The following NLGN1 variants were observed in gnomAD, a reference collection of about 807,000 sequenced individuals.
The protein encoded by NLGN1 is neuroligin 1.
Under a neutral mutation model 65.5 loss-of-function variants are expected in NLGN1, and 12 were observed. The observed-to-expected ratio is 0.18, with a 90% CI of 0.12 to 0.30. The LOEUF is 0.30. Ranked by LOEUF, NLGN1 falls within the 10% of genes least tolerant of loss-of-function variation. The probability of loss-of-function intolerance (pLI) is 1.00; values close to 1 mark genes in which losing one functional copy is unlikely to be tolerated. For synonymous variants in NLGN1, 350 were observed against 359.5 expected (o/e 0.97, Z 0.30); for missense variants, 750 against 1,007.1 (o/e 0.74, Z 3.46).
intron 3 of NLGN1, among the ~76,000 whole-genome samples, chr3:173,797,541 T>C (rs1473413481): frequency 6.6e-6 from 1 of 152,046 alleles, no homozygotes; most frequent in African/African-American, 2.4e-5. Context: ...TGTATTTGCT[T>C]CTAATTCTTC....
rs1340381287 is a variant in NLGN1, at chr3:174,201,379, G to GA, written c.647-73934dup. On this transcript the variant is annotated intron_variant, in intron 4 of 6. Coordinates refer to ENST00000457714, the Ensembl canonical transcript of NLGN1. ...GGAAGGAAGGAAGGAAGGAAGGAAA[G>GA]AAGGAAGGAAGGAAGGAAAGGGAAA... Among the ~76,000 whole-genome samples the GA allele has an allele frequency of 1.3e-3, 126 of 95,238 alleles. 1 individual carries two copies. The highest frequency in any genetic ancestry group is 3.9e-3 in the Admixed American group (37 of 9,470). 62.5% of individuals were successfully genotyped at this position (95,238 alleles called of 152,430 possible). A position where few individuals can be genotyped will look rare whatever the true frequency, so the allele number is the denominator to read the frequency against.
intron 4 of NLGN1, among the ~76,000 whole-genome samples, chr3:174,075,709 T>C (rs536862540): frequency 2.0e-5 from 3 of 152,268 alleles, no homozygotes; most frequent in Admixed American, 6.5e-5. Flanking sequence ...CAGATACTTA[T>C]GTTTCATCAT....
chr3:174,137,289 A>G (rs1386836204), intron 4 of NLGN1, among the ~76,000 whole-genome samples: 1 of 152,126 alleles, frequency 6.6e-6, no homozygotes, highest in Non-Finnish European at 1.5e-5. Context: ...AGCAAGCAAA[A>G]TGTCTAAATA....
chr3:174,145,291 G>T (rs530598412), intron 4 of NLGN1, among the ~76,000 whole-genome samples: 34 of 152,126 alleles, frequency 2.2e-4, no homozygotes, highest in Non-Finnish European at 3.5e-4. Context: ...GAGGTGGGTG[G>T]ATCATGATGT....
chr3:174,120,788 A>C (rs28640573), intron 4 of NLGN1, among the ~76,000 whole-genome samples: 3,483 of 152,176 alleles, frequency 0.023, 151 homozygotes, highest in African/African-American at 0.078. Flanking sequence ...CCAAAAGGTA[A>C]AGTTTAAACC....
chr3:173,564,161 A>G (rs1171238938), intron 2 of NLGN1, among the ~76,000 whole-genome samples: 2 of 152,188 alleles, frequency 1.3e-5, no homozygotes, highest in African/African-American at 4.8e-5. Context: ...ACTGTTCCAT[A>G]TTCCTGAAAT....
In NLGN1 at chr3:173,727,802, T is replaced by C. The variant is rs776766405; in HGVS notation, c.494-79878T>C. On this transcript the variant is annotated intron_variant, in intron 3 of 6. Transcript: ENST00000457714. ...AATGAAGGCAGAATTATTCTCTGTATTTTTTGATGCTGCTAAGAAGGAATT... is the reference window on the plus strand; with the variant it reads ...AATGAAGGCAGAATTATTCTCTGTACTTTTTGATGCTGCTAAGAAGGAATT... Among the ~76,000 whole-genome samples, 77 of 152,270 alleles carry C rather than the reference T, an allele frequency of 5.1e-4. 2 individuals carry two copies. The highest frequency in any genetic ancestry group is 1.1e-3 in the Admixed American group (17 of 15,272).
At chr3:174,201,726 T>C (rs1363185018) in intron 4 of NLGN1, among the ~76,000 whole-genome samples, 1 of 152,176 alleles carries the variant, frequency 6.6e-6, no homozygotes, top group Non-Finnish European at 1.5e-5. Flanking sequence ...CCCAGCAGCA[T>C]TGCCATCTGC....
rs182953934 is a variant in NLGN1 at position 173,750,237 on chromosome 3, C to G, written c.494-57443C>G. Among the ~76,000 whole-genome samples, 13 of 152,150 alleles carry G rather than the reference C, an allele frequency of 8.5e-5. No individual in the cohort carries two copies. The East Asian group carries it at 2.5e-3, about 29-fold the overall frequency. ...AGCCCTGCTCATTATTTTGGACTTT[C>G]TACTGAAGCCTTTTTCATGTTGTCC... On this transcript the variant is annotated intron_variant, in intron 3 of 6. Transcript: ENST00000457714.
At chr3:173,997,323 C>G (rs1722466063) in intron 4 of NLGN1, among the ~76,000 whole-genome samples, 1 of 152,064 alleles carries the variant, frequency 6.6e-6, no homozygotes, top group African/African-American at 2.4e-5. Context: ...ATTTATCAAA[C>G]AGAGGAGGCA....
intron 4 of NLGN1, among the ~76,000 whole-genome samples, chr3:174,225,440 A>C (rs1739445055): frequency 6.6e-6 from 1 of 152,182 alleles, no homozygotes; most frequent in Non-Finnish European, 1.5e-5. Context: ...CTGTAATATT[A>C]GATTATTCTG....
At chr3:174,076,724 A>T (rs13068541) in intron 4 of NLGN1, among the ~76,000 whole-genome samples, 7,834 of 80,792 alleles carry the variant, frequency 0.097, 375 homozygotes, top group African/African-American at 0.16. Flanking sequence ...AGAGAGAGAG[A>T]GTGTGTGTGT....
intron 2 of NLGN1, among the ~76,000 whole-genome samples, chr3:173,478,287 C>A (rs944858726): frequency 6.6e-6 from 1 of 152,052 alleles, no homozygotes; most frequent in African/African-American, 2.4e-5. Flanking sequence ...TTATCCTCAG[C>A]AAACTAATGC....
At chr3:173,782,396 A>G (rs1279784548) in intron 3 of NLGN1, among the ~76,000 whole-genome samples, 2 of 152,238 alleles carry the variant, frequency 1.3e-5, no homozygotes, top group African/African-American at 2.4e-5. Context: ...TACTTTTACC[A>G]TAAAACTATA....
chr3:173,681,566 C>G (rs1763952656), intron 3 of NLGN1, among the ~76,000 whole-genome samples: 1 of 152,146 alleles, frequency 6.6e-6, no homozygotes, highest in Admixed American at 6.6e-5. Flanking sequence ...CTCCCTACCC[C>G]TCAGGGAGAA....
chr3:173,816,719 A>G (rs1478608028), intron 4 of NLGN1, among the ~76,000 whole-genome samples: 1 of 152,206 alleles, frequency 6.6e-6, no homozygotes, highest in Admixed American at 6.5e-5. Flanking sequence ...TCTCTGTTCC[A>G]GTGGTCATTT....
intron 4 of NLGN1, among the ~76,000 whole-genome samples, chr3:174,057,276 A>G (rs1736347068): frequency 6.6e-6 from 1 of 151,988 alleles, no homozygotes; most frequent in African/African-American, 2.4e-5. Flanking sequence ...GGGGACGGGG[A>G]AAACTTCTTG....
intron 3 of NLGN1, among the ~76,000 whole-genome samples, chr3:173,775,523 C>G (rs757312831): frequency 3.3e-5 from 5 of 151,892 alleles, no homozygotes; most frequent in Non-Finnish European, 7.4e-5. Flanking sequence ...TGAGATTCTT[C>G]AAATTTGTTA....
At chr3:173,789,411 A>G (rs948373412) in intron 3 of NLGN1, among the ~76,000 whole-genome samples, 11 of 152,280 alleles carry the variant, frequency 7.2e-5, no homozygotes, top group African/African-American at 2.6e-4. Flanking sequence ...TTAAACTTCC[A>G]CATTACACGT....
Sources: allele counts gnomAD v4.1 joint callset (sites outside exome capture counted in the v4.1 genomes callset), GRCh38; gene constraint gnomAD v4.1.1; transcripts MANE v1.5; gene names NCBI Gene and HGNC (gene_info 2026-07-23, HGNC 2026-07-21).